Variants in THSD4 observed in about 807,000 individuals in gnomAD.
THSD4 encodes the protein thrombospondin type 1 domain containing 4.
In THSD4, 69 loss-of-function variants were observed where a neutral mutation model predicts 119.0. That is an observed-to-expected ratio of 0.58 (90% CI 0.48 to 0.71). The LOEUF (loss-of-function observed/expected upper bound fraction) is 0.71, where lower values mean the gene tolerates loss of function less well. Among genes scored for constraint, THSD4 ranks in the 30% least tolerant of loss-of-function variants. THSD4 has a pLI of 0.00. For missense variants in THSD4, 1,393 were observed against 1,391.1 expected, an observed-to-expected ratio of 1.00 and a Z score of -0.02; for synonymous variants, 524 against 540.4, an observed-to-expected ratio of 0.97 and a Z score of 0.42.
chr15:71,730,797 T>C, intron 9 of THSD4: 1 of 323,528 alleles, frequency 3.1e-6, no homozygotes, highest in East Asian at 6.6e-5. Flanking sequence ...TGTTGGATGT[T>C]TCAAGAGCAC....
At chr15:71,746,303 C>T (rs2053335339) in intron 12 of THSD4, among the ~76,000 whole-genome samples, 1 of 152,000 alleles carries the variant, frequency 6.6e-6, no homozygotes, top group Admixed American at 6.6e-5. Context: ...AGAATCTGGG[C>T]CCTAATCACT....
chr15:71,655,744 C>T (rs1287007537), intron 7 of THSD4, among the ~76,000 whole-genome samples: 1 of 152,182 alleles, frequency 6.6e-6, no homozygotes, highest in Non-Finnish European at 1.5e-5. Context: ...TATTCTCCTG[C>T]CCACCCAAAG....
In THSD4 at chr15:71,781,582, C is replaced by T. The variant is rs2053999109; in HGVS notation, c.*4208C>T. 2 of 152,380 alleles carry T rather than the reference C, an allele frequency of 1.3e-5. No individual in the cohort carries two copies. The highest frequency in any genetic ancestry group is 4.8e-5 in the African/African-American group (2 of 41,440). The allele number at this position is 152,380 out of a possible 1,614,324, so 9.4% of individuals were successfully genotyped here. A position where few individuals can be genotyped will look rare whatever the true frequency, so the allele number is the denominator to read the frequency against. On this transcript the variant is annotated 3_prime_UTR_variant, in exon 18 of 18. Coordinates refer to ENST00000261862, the MANE Select transcript of THSD4 (RefSeq NM_024817.3). ...AACAGCAGGAAGGACTTCATGAGAA[C>T]CCTCAGGCTGGAGAAGGCACTAGGG...
intron 3 of THSD4, among the ~76,000 whole-genome samples, chr15:71,169,634 G>C (rs2141401159): frequency 6.6e-6 from 1 of 152,184 alleles, no homozygotes; most frequent in South Asian, 2.1e-4. Context: ...GGAGCACCAG[G>C]GATTGGATTT....
chr15:71,291,337 T>C (rs1339134976), intron 6 of THSD4, among the ~76,000 whole-genome samples: 1 of 152,190 alleles, frequency 6.6e-6, no homozygotes, highest in African/African-American at 2.4e-5. Flanking sequence ...AGGTTCATTA[T>C]AAGGAACAGG....
At chr15:71,392,568 G>T (rs895539899) in intron 6 of THSD4, among the ~76,000 whole-genome samples, 1 of 152,118 alleles carries the variant, frequency 6.6e-6, no homozygotes, top group African/African-American at 2.4e-5. Context: ...TTGTCTAAAG[G>T]CCTAACCATC....
intron 6 of THSD4, among the ~76,000 whole-genome samples, chr15:71,335,766 G>T (rs890193276): frequency 6.6e-6 from 1 of 152,102 alleles, no homozygotes; most frequent in Non-Finnish European, 1.5e-5. Context: ...CTGGTTTCTG[G>T]CTGTTTCTTT....
intron 6 of THSD4, among the ~76,000 whole-genome samples, chr15:71,314,806 C>T (rs72759698): frequency 0.045 from 6,885 of 152,238 alleles, 179 homozygotes; most frequent in South Asian, 0.08. Flanking sequence ...ATTTCTGCAA[C>T]AGACTCAAAG....
chr15:71,630,472 A>C (rs910208404), intron 7 of THSD4, among the ~76,000 whole-genome samples: 4 of 152,146 alleles, frequency 2.6e-5, no homozygotes, highest in Non-Finnish European at 5.9e-5. Context: ...TTCCTCAAAA[A>C]CTTTCTTTAT....
Position 71,633,261 on chromosome 15 carries a change from CTTTCTTTCTTT to C in THSD4, c.1153-27265_1153-27255del, listed in dbSNP as rs1390831441. Among the ~76,000 whole-genome samples, 12 of 105,464 alleles carry C rather than the reference CTTTCTTTCTTT, an allele frequency of 1.1e-4. No homozygotes were observed. In the East Asian group the frequency reaches 1.2e-3, roughly 11 times the overall value. The allele number at this position is 105,464 out of a possible 152,430, so 69.2% of individuals were successfully genotyped here. A position where few individuals can be genotyped will look rare whatever the true frequency, so the allele number is the denominator to read the frequency against. On this transcript the variant is annotated intron_variant, in intron 7 of 17. Coordinates refer to ENST00000261862, the MANE Select transcript of THSD4 (RefSeq NM_024817.3). ...AGTATTTCTTCTTTTCTTTTTCTTT[CTTTCTTTCTTT>C]TTTTTTTTTTTTTTTTTTTTGGAGA... is the stretch of plus-strand genomic sequence containing the variant.
intron 7 of THSD4, among the ~76,000 whole-genome samples, chr15:71,583,624 A>G (rs991422878): frequency 6.6e-6 from 1 of 151,936 alleles, no homozygotes; most frequent in Admixed American, 6.6e-5. Flanking sequence ...TTGTATTAAT[A>G]TGTATTTTTA....
intron 6 of THSD4, among the ~76,000 whole-genome samples, chr15:71,286,393 T>C (rs895775123): frequency 2.0e-5 from 3 of 152,184 alleles, no homozygotes; most frequent in Non-Finnish European, 4.4e-5. Flanking sequence ...CTCCCACTTA[T>C]AAGTGAGAAC....
chr15:71,580,823 T>C (rs1450710873), intron 7 of THSD4, among the ~76,000 whole-genome samples: 3 of 152,164 alleles, frequency 2.0e-5, no homozygotes, highest in Admixed American at 1.3e-4. Flanking sequence ...GGCAGGATTT[T>C]CTTCTTTTTT....
chr15:71,678,824 A>G (rs1016236588), intron 8 of THSD4, among the ~76,000 whole-genome samples: 10 of 152,156 alleles, frequency 6.6e-5, no homozygotes, highest in Non-Finnish European at 1.5e-5. Flanking sequence ...TTCTGAATCA[A>G]TATTCATGTT....
intron 6 of THSD4, among the ~76,000 whole-genome samples, chr15:71,399,782 C>T (rs1020918399): frequency 1.3e-5 from 2 of 152,122 alleles, no homozygotes; most frequent in African/African-American, 4.8e-5. Flanking sequence ...TCAGAAACTC[C>T]AGGGAGTGGG....
intron 7 of THSD4, among the ~76,000 whole-genome samples, chr15:71,533,943 C>A (rs1489554603): frequency 1.3e-5 from 2 of 152,092 alleles, no homozygotes; most frequent in Non-Finnish European, 2.9e-5. Flanking sequence ...AGTCTCAGGC[C>A]CCATCCCAGA....
chr15:71,103,980 G>T (rs528963101), intron 1 of THSD4, among the ~76,000 whole-genome samples: 1 of 152,276 alleles, frequency 6.6e-6, no homozygotes, highest in Non-Finnish European at 1.5e-5. Flanking sequence ...GTGGGACTTT[G>T]AATTCTGGTC....
At chr15:71,702,969 G>C (rs2052322032) in intron 8 of THSD4, among the ~76,000 whole-genome samples, 1 of 150,622 alleles carries the variant, frequency 6.6e-6, no homozygotes, top group South Asian at 2.1e-4. Context: ...GTTTTGAAAG[G>C]TTTCTGACCC....
At chr15:71,182,758 T>A (rs2043546645) in intron 3 of THSD4, among the ~76,000 whole-genome samples, 1 of 151,732 alleles carries the variant, frequency 6.6e-6, no homozygotes, top group Non-Finnish European at 1.5e-5. Context: ...CTCCCAGTGA[T>A]GATGTGATCT....
Sources: allele counts gnomAD v4.1 joint callset (sites outside exome capture counted in the v4.1 genomes callset), GRCh38; gene constraint gnomAD v4.1.1; transcripts MANE v1.5; gene names NCBI Gene and HGNC (gene_info 2026-07-23, HGNC 2026-07-21).